Variants in TNRC18 observed in about 807,000 individuals in gnomAD.
The protein encoded by TNRC18 is trinucleotide repeat-containing gene 18 protein.
Under a neutral mutation model 226.7 loss-of-function variants are expected in TNRC18, and 69 were observed. That is an observed-to-expected ratio of 0.30 (90% CI 0.25 to 0.37). The LOEUF (loss-of-function observed/expected upper bound fraction) is 0.37. TNRC18 is among the 10% of genes least tolerant of loss of function. The probability of loss-of-function intolerance (pLI) is 1.00; values close to 1 mark genes in which losing one functional copy is unlikely to be tolerated. For synonymous variants in TNRC18, 2,449 were observed against 1,927.6 expected (o/e 1.27, Z -7.09); for missense variants, 4,754 against 4,256.6 (o/e 1.12, Z -3.25).
At chr7:5,339,933 G>A (rs529009814) in intron 18 of TNRC18, among the ~76,000 whole-genome samples, 5 of 151,508 alleles carry the variant, frequency 3.3e-5, no homozygotes, top group African/African-American at 9.7e-5. Context: ...TCCGCCAACC[G>A]GCCTTCCTCA....
chr7:5,329,682 CAAAAAAAAAAA>C (rs10628315), intron 19 of TNRC18, among the ~76,000 whole-genome samples: 10 of 45,756 alleles, frequency 2.2e-4, no homozygotes, highest in Admixed American at 1.6e-3. Flanking sequence ...GACTCCGTCT[CAAAAAAAAAAA>C]AAAAAAAAAA....
At chr7:5,390,137 G>GA in intron 4 of TNRC18, 1 of 430,872 alleles carries the variant, frequency 2.3e-6, no homozygotes, top group Non-Finnish European at 4.0e-6. Flanking sequence ...GCCGAGGTAG[G>GA]AGGATTGCTT....
At chr7:5,333,346 C>A (rs957748317) in intron 18 of TNRC18, among the ~76,000 whole-genome samples, 28 of 152,326 alleles carry the variant, frequency 1.8e-4, no homozygotes, top group African/African-American at 6.5e-4. Context: ...TTGTGGAAAT[C>A]CCAGAAGCCA....
rs34840801 is a variant in TNRC18, at chr7:5,390,380, G to A, written c.487+105C>T. 5,596 of 705,022 alleles carry A rather than the reference G, an allele frequency of 7.9e-3. 228 individuals carry two copies. The African/African-American group carries it at 0.11, about 14-fold the overall frequency. The allele number at this position is 705,022 out of a possible 1,614,324, so 43.7% of individuals were successfully genotyped here. ...TCTCAAAAAAAAAAAAAAAAAAAAA[G>A]CCAGCATCCTGGACAGAGCTGGGGG... On this transcript the variant is annotated intron_variant, in intron 4 of 29. Coordinates refer to ENST00000430969, the MANE Select transcript of TNRC18 (RefSeq NM_001080495.3).
At chr7:5,308,485 C>A (rs559464982) in intron 29 of TNRC18, among the ~76,000 whole-genome samples, 173 bp from the exon 30 acceptor site, 300 of 151,860 alleles carry the variant, frequency 2.0e-3, no homozygotes, top group African/African-American at 6.9e-3. Flanking sequence ...GAGACAGAGA[C>A]CGAGAGATGG....
chr7:5,365,557 C>A (rs1793531387), intron 11 of TNRC18, among the ~76,000 whole-genome samples: 1 of 152,126 alleles, frequency 6.6e-6, no homozygotes, highest in African/African-American at 2.4e-5. Context: ...GTGCTCCAAC[C>A]ACAGAGATCT....
chr7:5,410,974 G>A (rs370674787), intron 2 of TNRC18, among the ~76,000 whole-genome samples: 1 of 151,894 alleles, frequency 6.6e-6, no homozygotes, highest in Admixed American at 6.6e-5. Context: ...GGGAGGCCGA[G>A]GCAGGTGGAT....
chr7:5,381,510 A>G (rs544285251), intron 5 of TNRC18, among the ~76,000 whole-genome samples: 5 of 151,962 alleles, frequency 3.3e-5, no homozygotes, highest in South Asian at 2.1e-4. Flanking sequence ...CGTTCTCTTG[A>G]CTATACACAG....
At position 5,377,329 on chromosome 7, in the gene TNRC18, C is replaced by CCCCCCCA; in HGVS notation, c.2461+41_2461+42insTGGGGGG. ...TGTCCTGCACCCGCCCCCTCCCACC[C>CCCCCCCA]CTCCCTCAGAGAAGGGGAGAGACCC... On this transcript the variant is annotated intron_variant, in intron 7 of 29. Transcript: ENST00000430969. The surrounding 1 kb of genome is among the most constrained non-coding windows in gnomAD (Gnocchi z 5.8). The CCCCCCCA allele has an allele frequency of 8.2e-7, 1 of 1,220,704 alleles. No homozygotes were observed. Among genetic ancestry groups the CCCCCCCA allele is most frequent in the Non-Finnish European group, 1.1e-6 (1 of 875,888 alleles). 75.6% of individuals were successfully genotyped at this position (1,220,704 alleles called of 1,614,324 possible). A position where few individuals can be genotyped will look rare whatever the true frequency, so the allele number is the denominator to read the frequency against.
intron 2 of TNRC18, among the ~76,000 whole-genome samples, chr7:5,404,341 A>G (rs1356027917): frequency 2.0e-5 from 3 of 152,172 alleles, no homozygotes; most frequent in Non-Finnish European, 4.4e-5. Flanking sequence ...ACTGCACTCC[A>G]GCCTGGGCGA....
chr7:5,345,517 GCCCCT>G, intron 18 of TNRC18, 40 bp downstream of exon 18: 11 of 377,738 alleles, frequency 2.9e-5, no homozygotes, highest in South Asian at 8.8e-5. Flanking sequence ...AATGGCGTCC[GCCCCT>G]CCCACCCACC....
intron 15 of TNRC18, among the ~76,000 whole-genome samples, chr7:5,358,006 G>C (rs1053895569): frequency 6.6e-6 from 1 of 152,128 alleles, no homozygotes; most frequent in African/African-American, 2.4e-5. Context: ...TGCTGCTGCC[G>C]ATGGCCTGAA....
intron 2 of TNRC18, among the ~76,000 whole-genome samples, chr7:5,416,210 C>T (rs1420105883): frequency 6.6e-6 from 1 of 150,548 alleles, no homozygotes; most frequent in Non-Finnish European, 1.5e-5. Flanking sequence ...GTCAGGAGAT[C>T]GAGATCATCC....
intron 19 of TNRC18, among the ~76,000 whole-genome samples, chr7:5,329,129 C>G (rs1197783684): frequency 1.3e-5 from 2 of 151,720 alleles, no homozygotes; most frequent in South Asian, 4.2e-4. Flanking sequence ...ATGGCGAAAC[C>G]TTGTCTCTAC....
rs764989316 is a variant in TNRC18 at position 5,387,934 on chromosome 7, G to A, written c.1890C>T (p.Ala630=). The part of the protein sequence containing the change: ...KPEPAPTSAG[A]SRAQARLPHS... ...GTGGGAGACGGGCCTGGGCTCGGGAGGCACCCGCAGAGGTGGGCGCAGGCT... is the reference window on the plus strand; with the variant it reads ...GTGGGAGACGGGCCTGGGCTCGGGAAGCACCCGCAGAGGTGGGCGCAGGCT... The change falls in exon 5 of 30, where the codon GCC becomes GCT. Residue 630 remains alanine (A), a synonymous_variant. Coordinates refer to ENST00000430969, the MANE Select transcript of TNRC18 (RefSeq NM_001080495.3). 3.8e-6 allele frequency: 6 copies of A among 1,597,034 alleles called. No individual in the cohort carries two copies. Among genetic ancestry groups the A allele is most frequent in the East Asian group, 2.3e-5 (1 of 44,164 alleles).
At chr7:5,358,345 C>A (rs1432211463) in intron 15 of TNRC18, among the ~76,000 whole-genome samples, 1 of 152,182 alleles carries the variant, frequency 6.6e-6, no homozygotes, top group East Asian at 1.9e-4. Context: ...TCTCTATTTT[C>A]TTTAATCAGG....
At chr7:5,336,700 C>T (rs1790147265) in intron 18 of TNRC18, among the ~76,000 whole-genome samples, 1 of 152,186 alleles carries the variant, frequency 6.6e-6, no homozygotes, top group Non-Finnish European at 1.5e-5. Flanking sequence ...CATGATTGTG[C>T]TACTGCATTC....
At chr7:5,368,458 T>A (rs1475198943) in intron 11 of TNRC18, among the ~76,000 whole-genome samples, 1 of 151,612 alleles carries the variant, frequency 6.6e-6, no homozygotes, top group East Asian at 1.9e-4. Flanking sequence ...AGGTCAGGAG[T>A]ACGAGACCAG....
In TNRC18 at chr7:5,371,024, G is replaced by T; in HGVS notation, c.3570C>A (p.Pro1190=). 6.2e-7 allele frequency: 1 copy of T among 1,609,236 alleles called. No individual in the cohort carries two copies. The highest frequency in any genetic ancestry group is 1.7e-5 in the Admixed American group (1 of 59,998). ...CACCTCCACAACCCCCTGCAGGGCTGGGGGTAGCCATGGCTTCCGCGGCGG... is the reference window on the plus strand; with the variant it reads ...CACCTCCACAACCCCCTGCAGGGCTTGGGGTAGCCATGGCTTCCGCGGCGG... The part of the protein sequence containing the change: ...PLPAAEAMAT[P]SPAGGCGGGL... Residue 1190 remains proline (P), a synonymous_variant, in exon 11 of 30, where the codon CCC becomes CCA. Transcript: ENST00000430969.
Sources: allele counts gnomAD v4.1 joint callset (sites outside exome capture counted in the v4.1 genomes callset), GRCh38; gene constraint gnomAD v4.1.1; non-coding constraint Gnocchi (gnomAD v3.1); transcripts MANE v1.5; gene names NCBI Gene and HGNC (gene_info 2026-07-23, HGNC 2026-07-21).